The following IMMP2L variants were observed in gnomAD, a reference collection of about 807,000 sequenced individuals.
IMMP2L encodes the protein mitochondrial inner membrane protease subunit 2.
A neutral mutation model predicts 19.3 loss-of-function variants in IMMP2L; 18 were observed. The ratio of observed to expected loss-of-function variants is 0.93; its 90% confidence interval spans 0.64 to 1.38. The LOEUF is 1.38. Ranked by LOEUF, IMMP2L falls within the 40% of genes most tolerant of loss-of-function variation. IMMP2L has a pLI of 0.00. For missense variants in IMMP2L, 233 were observed against 218.2 expected (o/e 1.07, Z -0.43); for synonymous variants, 76 against 73.0 (o/e 1.04, Z -0.21).
chr7:110,952,121 C>T (rs1013002020), intron 4 of IMMP2L, among the ~76,000 whole-genome samples: 7 of 151,992 alleles, frequency 4.6e-5, no homozygotes, highest in Non-Finnish European at 2.9e-5. Context: ...AAATACTTGA[C>T]AGACTTACAT....
At chr7:111,355,859 T>G (rs965087706) in intron 3 of IMMP2L, among the ~76,000 whole-genome samples, 1 of 151,958 alleles carries the variant, frequency 6.6e-6, no homozygotes, top group Non-Finnish European at 1.5e-5. Flanking sequence ...TAAGTTATTT[T>G]CCTCCCAATA....
intron 3 of IMMP2L, among the ~76,000 whole-genome samples, chr7:111,169,146 T>C (rs1479913231): frequency 6.6e-6 from 1 of 151,888 alleles, no homozygotes; most frequent in Non-Finnish European, 1.5e-5. Context: ...AACTATATAT[T>C]TTGTTAAAGA....
intron 5 of IMMP2L, among the ~76,000 whole-genome samples, chr7:110,707,004 A>ATTTTTTTTTTTTTTAAT: frequency 8.7e-6 from 1 of 114,292 alleles, no homozygotes; most frequent in African/African-American, 3.4e-5. Flanking sequence ...TTTTTTTTTA[A>ATTTTTTTTTTTTTTAAT]TTTTTTTTTT....
At chr7:110,771,024 G>C (rs1043018174) in intron 5 of IMMP2L, among the ~76,000 whole-genome samples, 1 of 152,102 alleles carries the variant, frequency 6.6e-6, no homozygotes, top group Admixed American at 6.6e-5. Context: ...CCCAAGGCCT[G>C]GGCAGGGGAC....
At chr7:110,830,817 C>G (rs1223133676) in intron 5 of IMMP2L, among the ~76,000 whole-genome samples, 2 of 152,144 alleles carry the variant, frequency 1.3e-5, no homozygotes, top group African/African-American at 4.8e-5. Context: ...CCTGGACACT[C>G]AGATACTCCA....
intron 3 of IMMP2L, among the ~76,000 whole-genome samples, chr7:111,390,958 C>G (rs986096097): frequency 6.6e-6 from 1 of 152,090 alleles, no homozygotes; most frequent in Non-Finnish European, 1.5e-5. Context: ...CCTGTAATAT[C>G]ACTCCTTACT....
At chr7:111,266,897 T>C (rs1187418127) in intron 3 of IMMP2L, among the ~76,000 whole-genome samples, 2 of 152,164 alleles carry the variant, frequency 1.3e-5, no homozygotes, top group African/African-American at 2.4e-5. Flanking sequence ...TGAATCAAGC[T>C]CAGCATGAGC....
At chr7:111,067,953 T>G (rs1794649548) in intron 3 of IMMP2L, among the ~76,000 whole-genome samples, 1 of 152,110 alleles carries the variant, frequency 6.6e-6, no homozygotes, top group African/African-American at 2.4e-5. Context: ...ATGAAAGATA[T>G]AAAATCCTTC....
chr7:111,318,234 T>G (rs1341999302), intron 3 of IMMP2L, among the ~76,000 whole-genome samples: 1 of 152,128 alleles, frequency 6.6e-6, no homozygotes, highest in East Asian at 1.9e-4. Flanking sequence ...AAAGGGTGAT[T>G]GATTCTCTCC....
intron 3 of IMMP2L, among the ~76,000 whole-genome samples, chr7:111,004,675 TC>T (rs1824105115): frequency 6.6e-6 from 1 of 152,166 alleles, no homozygotes; most frequent in African/African-American, 2.4e-5. Flanking sequence ...GCGTCTTCAG[TC>T]ACCCAACCCC....
rs547645349 is a variant in IMMP2L at position 111,405,611 on chromosome 7, G to A, written c.239+81627C>T. Among the ~76,000 whole-genome samples the A allele has an allele frequency of 2.6e-5, 4 of 152,242 alleles. No individual in the cohort carries two copies. The South Asian group carries it at 8.3e-4, about 32-fold the overall frequency. On this transcript the variant is annotated intron_variant, in intron 3 of 5. Coordinates refer to ENST00000405709, the MANE Select transcript of IMMP2L (RefSeq NM_032549.4). ...TTATGCACTTAAAAACATAGTTGAA[G>A]TGAGGAGAAACATAAATGATAACCT... is the stretch of plus-strand genomic sequence containing the variant.
chr7:111,437,520 C>T (rs1024138840), intron 3 of IMMP2L, among the ~76,000 whole-genome samples: 1 of 151,920 alleles, frequency 6.6e-6, no homozygotes, highest in African/African-American at 2.4e-5. Context: ...ATAACTGTGT[C>T]AGACTATCTT....
chr7:111,528,579 CTG>C, intron 1 of IMMP2L, among the ~76,000 whole-genome samples: 1 of 152,268 alleles, frequency 6.6e-6, no homozygotes, highest in East Asian at 1.9e-4. Context: ...ACAACCCACA[CTG>C]TAAATTTCTC....
chr7:110,979,765 C>T (rs1821072834), intron 3 of IMMP2L, among the ~76,000 whole-genome samples: 1 of 151,878 alleles, frequency 6.6e-6, no homozygotes, highest in South Asian at 2.1e-4. Flanking sequence ...GGGACAAATG[C>T]CCTAACAGAC....
At chr7:111,229,133 C>T (rs557836049) in intron 3 of IMMP2L, among the ~76,000 whole-genome samples, 9 of 152,004 alleles carry the variant, frequency 5.9e-5, no homozygotes, top group East Asian at 1.9e-4. Context: ...CAGTTCTACG[C>T]GGTTGCCTTT....
At position 110,844,869 on chromosome 7, in the gene IMMP2L, A is replaced by C. The variant is rs189468060; in HGVS notation, c.408+41724T>G. On this transcript the variant is annotated intron_variant, in intron 5 of 5. Coordinates refer to ENST00000405709, the MANE Select transcript of IMMP2L (RefSeq NM_032549.4). The stretch of plus-strand genomic sequence containing the variant: ...GGTCACAGGGTTCCATTACATGTAC[A>C]CCAAGGACAACATAAAAGTCGGTGG... Among the ~76,000 whole-genome samples the C allele has an allele frequency of 3.1e-4, 47 of 151,936 alleles. No individual in the cohort carries two copies. The East Asian group carries it at 8.7e-3, about 28-fold the overall frequency.
chr7:111,075,525 G>A (rs184242776), intron 3 of IMMP2L, among the ~76,000 whole-genome samples: 7 of 152,170 alleles, frequency 4.6e-5, no homozygotes, highest in South Asian at 2.1e-4. Flanking sequence ...CATAATACTC[G>A]AAATTGCAGG....
intron 3 of IMMP2L, among the ~76,000 whole-genome samples, chr7:111,465,501 T>TAAAAAAAAAAA (rs757362734): frequency 3.1e-5 from 2 of 64,288 alleles, no homozygotes; most frequent in East Asian, 5.1e-4. Flanking sequence ...CAGGTGTCAC[T>TAAAAAAAAAAA]AAAAAAAAAA....
chr7:111,283,366 A>G (rs915009779), intron 3 of IMMP2L, among the ~76,000 whole-genome samples: 7 of 152,168 alleles, frequency 4.6e-5, no homozygotes, highest in Admixed American at 3.3e-4. Flanking sequence ...GAAGAAAACT[A>G]CAGAACAGAG....
Sources: gnomAD v4.1 joint callset for allele counts (sites outside exome capture counted in the v4.1 genomes callset) on GRCh38, gnomAD v4.1.1 for gene constraint, MANE v1.5 for transcripts, NCBI Gene and HGNC (gene_info 2026-07-23, HGNC 2026-07-21) for gene names.